The following NTNG1 variants were observed in gnomAD, a reference collection of about 807,000 sequenced individuals.
NTNG1 encodes the protein netrin G1.
A neutral mutation model predicts 54.0 loss-of-function variants in NTNG1; 16 were observed. The observed-to-expected ratio is 0.30, with a 90% CI of 0.20 to 0.45. The LOEUF is 0.45. Ranked by LOEUF, NTNG1 falls within the 20% of genes least tolerant of loss-of-function variation. NTNG1 has a pLI of 1.00. For missense variants in NTNG1, 530 were observed against 678.7 expected (o/e 0.78, Z 2.43); for synonymous variants, 255 against 263.1 (o/e 0.97, Z 0.30).
At chr1:107,167,051 TCA>T (rs1557775153) in intron 2 of NTNG1, among the ~76,000 whole-genome samples, 2 of 152,230 alleles carry the variant, frequency 1.3e-5, no homozygotes, top group South Asian at 2.1e-4. Flanking sequence ...AGCCCAAACC[TCA>T]GTTTTCCCTC....
At chr1:107,462,852 T>C (rs929728506) in intron 7 of NTNG1, among the ~76,000 whole-genome samples, 1 of 152,254 alleles carries the variant, frequency 6.6e-6, no homozygotes, top group Non-Finnish European at 1.5e-5. Context: ...GAAAACATGC[T>C]GTGCCTGTTT....
At chr1:107,162,211 G>T (rs1655458538) in intron 2 of NTNG1, among the ~76,000 whole-genome samples, 1 of 152,034 alleles carries the variant, frequency 6.6e-6, no homozygotes, top group South Asian at 2.1e-4. Context: ...TTTTCCCAAG[G>T]AATGCACCCC....
intron 3 of NTNG1, among the ~76,000 whole-genome samples, chr1:107,388,007 T>C (rs918434566): frequency 1.3e-5 from 2 of 152,114 alleles, no homozygotes; most frequent in Middle Eastern, 3.2e-3. Flanking sequence ...ATACAGAGAG[T>C]ATTACTCTGT....
intron 3 of NTNG1, among the ~76,000 whole-genome samples, chr1:107,336,356 G>C (rs1377610857): frequency 6.6e-6 from 1 of 151,718 alleles, no homozygotes; most frequent in Non-Finnish European, 1.5e-5. Context: ...ACCATCGAGT[G>C]AGGAAAAGAC....
chr1:107,476,214 C>G (rs1373311264), intron 7 of NTNG1, among the ~76,000 whole-genome samples: 1 of 152,148 alleles, frequency 6.6e-6, no homozygotes, highest in African/African-American at 2.4e-5. Context: ...ACATTGTTTT[C>G]TTCTCAGCAT....
chr1:107,196,141 G>T (rs759369858), intron 2 of NTNG1, among the ~76,000 whole-genome samples: 1 of 151,874 alleles, frequency 6.6e-6, no homozygotes, highest in Non-Finnish European at 1.5e-5. Context: ...CAAAGATTAA[G>T]TAAAATAATC....
chr1:107,152,731 A>C (rs1052549259), intron 2 of NTNG1, among the ~76,000 whole-genome samples: 1 of 152,208 alleles, frequency 6.6e-6, no homozygotes, highest in Non-Finnish European at 1.5e-5. Context: ...ATTTTGGCAT[A>C]ATATTATGAG....
At chr1:107,447,189 C>T (rs1676357302) in intron 7 of NTNG1, among the ~76,000 whole-genome samples, 5 of 151,902 alleles carry the variant, frequency 3.3e-5, no homozygotes, top group Admixed American at 3.3e-4. Flanking sequence ...ACATTTAGGC[C>T]TCTTTTTAAT....
At chr1:107,462,856 C>A (rs778293984) in intron 7 of NTNG1, among the ~76,000 whole-genome samples, 1 of 152,172 alleles carries the variant, frequency 6.6e-6, no homozygotes, top group Non-Finnish European at 1.5e-5. Context: ...ACATGCTGTG[C>A]CTGTTTTATA....
chr1:107,177,858 A>G (rs1656764944), intron 2 of NTNG1, among the ~76,000 whole-genome samples: 1 of 152,148 alleles, frequency 6.6e-6, no homozygotes, highest in Admixed American at 6.5e-5. Context: ...TCTTGTAAAC[A>G]TAATCTATTA....
At chr1:107,293,528 A>G (rs867786698) in intron 2 of NTNG1, among the ~76,000 whole-genome samples, 6 of 152,212 alleles carry the variant, frequency 3.9e-5, no homozygotes, top group Non-Finnish European at 7.3e-5. Context: ...TGTTTATACA[A>G]TGTTCCCAAT....
At chr1:107,142,223 A>G (rs1242831126) in intron 1 of NTNG1, among the ~76,000 whole-genome samples, 1 of 152,162 alleles carries the variant, frequency 6.6e-6, no homozygotes, top group Admixed American at 6.5e-5. Flanking sequence ...AAAATAACCA[A>G]TTAAGTGATT....
At chr1:107,430,074 G>A (rs148679763) in intron 5 of NTNG1, among the ~76,000 whole-genome samples, 22 of 152,250 alleles carry the variant, frequency 1.4e-4, no homozygotes, top group African/African-American at 4.6e-4. Flanking sequence ...AATCTTAAAA[G>A]CACCTTTTCG....
chr1:107,197,444 T>C (rs1658425230), intron 2 of NTNG1, among the ~76,000 whole-genome samples: 1 of 152,072 alleles, frequency 6.6e-6, no homozygotes, highest in Non-Finnish European at 1.5e-5. Context: ...TTTAGTTTCA[T>C]AATGAAATGA....
At chr1:107,464,305 A>C (rs1319429314) in intron 7 of NTNG1, among the ~76,000 whole-genome samples, 2 of 152,226 alleles carry the variant, frequency 1.3e-5, no homozygotes, top group Admixed American at 6.5e-5. Flanking sequence ...ATGGATAATC[A>C]GTCACATCGT....
chr1:107,167,261 T>G (rs1299635760), intron 2 of NTNG1, among the ~76,000 whole-genome samples: 3 of 152,018 alleles, frequency 2.0e-5, no homozygotes, highest in Admixed American at 2.0e-4. Context: ...GTGGCACGAA[T>G]TTATGCATGT....
intron 7 of NTNG1, among the ~76,000 whole-genome samples, chr1:107,464,149 C>T (rs1677452858): frequency 6.6e-6 from 1 of 152,128 alleles, no homozygotes. Flanking sequence ...TTAAAAAAAC[C>T]TTGTTGCCCA....
At chr1:107,225,798 A>T (rs1660636678) in intron 2 of NTNG1, among the ~76,000 whole-genome samples, 1 of 152,198 alleles carries the variant, frequency 6.6e-6, no homozygotes, top group African/African-American at 2.4e-5. Flanking sequence ...TACTGTATTG[A>T]TATAGAAATG....
At chr1:107,173,025 T>C (rs888633654) in intron 2 of NTNG1, among the ~76,000 whole-genome samples, 5 of 152,136 alleles carry the variant, frequency 3.3e-5, no homozygotes, top group Admixed American at 6.6e-5. Context: ...AGTATGAGAT[T>C]GGTTCAGGAG....
Sources: gnomAD v4.1 joint callset for allele counts (sites outside exome capture counted in the v4.1 genomes callset) on GRCh38, gnomAD v4.1.1 for gene constraint, MANE v1.5 for transcripts, NCBI Gene and HGNC (gene_info 2026-07-23, HGNC 2026-07-21) for gene names.